Variants in DYM observed in about 807,000 individuals in gnomAD.
DYM encodes the protein dyggve-Melchior-Clausen syndrome protein.
Under a neutral mutation model 93.1 loss-of-function variants are expected in DYM, and 78 were observed. That is an observed-to-expected ratio of 0.84 (90% CI 0.70 to 1.01). The LOEUF is 1.01. Ranked by LOEUF, DYM falls within the 50% of genes least tolerant of loss-of-function variation. The pLI, the probability that DYM is intolerant of heterozygous loss-of-function variation, is 0.00. For missense variants in DYM, 789 were observed against 845.0 expected (o/e 0.93, Z 0.82); for synonymous variants, 321 against 319.7 (o/e 1.00, Z -0.04).
At chr18:49,404,932 G>A (rs543071788) in intron 2 of DYM, among the ~76,000 whole-genome samples, 11 of 149,770 alleles carry the variant, frequency 7.3e-5, no homozygotes, top group African/African-American at 2.5e-4. Context: ...AGAACTGCTT[G>A]AACCTGGGAG....
At chr18:49,259,430 G>A (rs543842861) in intron 11 of DYM, among the ~76,000 whole-genome samples, 28 of 152,232 alleles carry the variant, frequency 1.8e-4, no homozygotes, top group African/African-American at 2.9e-4. Flanking sequence ...AGACAAATTC[G>A]GGGAATCCTA....
chr18:49,214,560 T>TAAAA (rs528419205), intron 13 of DYM, among the ~76,000 whole-genome samples: 15 of 121,548 alleles, frequency 1.2e-4, no homozygotes, highest in Admixed American at 1.2e-3. Flanking sequence ...AATCAATGAG[T>TAAAA]AAAAAAAAAA....
chr18:49,404,091 T>C (rs1416157862), intron 2 of DYM, among the ~76,000 whole-genome samples: 12 of 151,576 alleles, frequency 7.9e-5, no homozygotes, highest in Admixed American at 7.9e-4. Flanking sequence ...CACTGCAACC[T>C]CCGCCTCCCG....
At chr18:49,393,053 G>GGA in intron 2 of DYM, among the ~76,000 whole-genome samples, 1 of 133,372 alleles carries the variant, frequency 7.5e-6, no homozygotes, top group Non-Finnish European at 1.6e-5. Flanking sequence ...AGGAGGAGGG[G>GGA]AGGAGGGGAG....
intron 6 of DYM, among the ~76,000 whole-genome samples, chr18:49,356,640 C>G (rs910745551): frequency 5.3e-5 from 8 of 152,126 alleles, no homozygotes; most frequent in Non-Finnish European, 8.8e-5. Flanking sequence ...ATGGGTCTCT[C>G]CTGTACCTTC....
chr18:49,086,026 A>G (rs1030049146), intron 17 of DYM, among the ~76,000 whole-genome samples: 1 of 152,252 alleles, frequency 6.6e-6, no homozygotes, highest in African/African-American at 2.4e-5. Context: ...AGGTAAAATC[A>G]CACAGCTTAA....
At chr18:49,256,889 A>C (rs1298975936) in intron 13 of DYM, 121 bp downstream of exon 13, 2 of 835,866 alleles carry the variant, frequency 2.4e-6, no homozygotes, top group Admixed American at 4.3e-5. Flanking sequence ...GAAGGTGATA[A>C]AAATTAAGTA....
At position 49,403,590 on chromosome 18, in the gene DYM, A is replaced by T. The variant is rs183103042; in HGVS notation, c.141-11945T>A. 4.3e-3 allele frequency among the ~76,000 whole-genome samples: 656 copies of T among 152,218 alleles called. 4 individuals carry two copies. The highest frequency in any genetic ancestry group is 0.012 in the African/African-American group (502 of 41,556). On this transcript the variant is annotated intron_variant, in intron 2 of 17. Transcript: ENST00000675505. Reference sequence around the variant, plus strand: ...TAAGTCTAGGTTTTTTATTTTTTTTAAATTTCAACTTTTATTTTGAATTCA... The same window carrying T: ...TAAGTCTAGGTTTTTTATTTTTTTTTAATTTCAACTTTTATTTTGAATTCA...
intron 14 of DYM, among the ~76,000 whole-genome samples, chr18:49,199,726 A>G (rs1414745532): frequency 6.6e-6 from 1 of 152,232 alleles, no homozygotes; most frequent in Non-Finnish European, 1.5e-5. Flanking sequence ...TGAATAGCAT[A>G]TTATATGACA....
chr18:49,328,395 G>A (rs1047820680), intron 8 of DYM, among the ~76,000 whole-genome samples: 5 of 152,096 alleles, frequency 3.3e-5, no homozygotes, highest in African/African-American at 9.7e-5. Flanking sequence ...GAGCCAGAGA[G>A]AGAAGTAAGG....
At chr18:49,176,907 T>C (rs1333041219) in intron 14 of DYM, among the ~76,000 whole-genome samples, 1 of 152,156 alleles carries the variant, frequency 6.6e-6, no homozygotes, top group Non-Finnish European at 1.5e-5. Flanking sequence ...TAGTATGCAA[T>C]TCTAAAGATA....
At chr18:49,172,784 G>A (rs1030323056) in intron 14 of DYM, among the ~76,000 whole-genome samples, 1 of 152,026 alleles carries the variant, frequency 6.6e-6, no homozygotes, top group Non-Finnish European at 1.5e-5. Context: ...TAAATTTGAT[G>A]AAATTCATCA....
intron 14 of DYM, among the ~76,000 whole-genome samples, chr18:49,192,095 A>AAT (rs1481704998): frequency 1.0e-4 from 7 of 68,336 alleles, no homozygotes; most frequent in African/African-American, 4.0e-4. Flanking sequence ...TGCCTGGCTA[A>AAT]TTTTTTTTTT....
intron 6 of DYM, among the ~76,000 whole-genome samples, chr18:49,347,761 A>G (rs963175556): frequency 1.4e-4 from 22 of 152,252 alleles, no homozygotes; most frequent in South Asian, 4.1e-4. Context: ...ATCAGGAAAA[A>G]GAGCCAGAGA....
chr18:49,316,079 C>G (rs575408), intron 8 of DYM, among the ~76,000 whole-genome samples: 89,877 of 151,982 alleles, frequency 0.59, 27,229 homozygotes, highest in Non-Finnish European at 0.67. Context: ...GTCAGGAGTT[C>G]AAGACCAGCC....
chr18:49,340,036 CGCCTCCT>C (rs1023126005), intron 6 of DYM, among the ~76,000 whole-genome samples: 136 of 152,206 alleles, frequency 8.9e-4, no homozygotes, highest in African/African-American at 3.1e-3. Flanking sequence ...CTGCAAGCTC[CGCCTCCT>C]GGATTCACGC....
intron 1 of DYM, among the ~76,000 whole-genome samples, chr18:49,443,418 C>T (rs1447606592): frequency 2.0e-5 from 3 of 152,248 alleles, no homozygotes; most frequent in Non-Finnish European, 1.5e-5. Context: ...TTTCAAGTGT[C>T]ATGAGTATTG....
At chr18:49,291,768 T>C (rs2060129623) in intron 8 of DYM, among the ~76,000 whole-genome samples, 1 of 152,172 alleles carries the variant, frequency 6.6e-6, no homozygotes, top group African/African-American at 2.4e-5. Context: ...CAAATTTAAG[T>C]TTATTCAAAA....
intron 15 of DYM, among the ~76,000 whole-genome samples, chr18:49,144,838 T>C (rs1411956876): frequency 1.3e-5 from 2 of 151,878 alleles, no homozygotes; most frequent in Non-Finnish European, 2.9e-5. Context: ...GGCTCATTCC[T>C]GTAATCTCAG....
Sources: gnomAD v4.1 joint callset for allele counts (sites outside exome capture counted in the v4.1 genomes callset) on GRCh38, gnomAD v4.1.1 for gene constraint, MANE v1.5 for transcripts, NCBI Gene and HGNC (gene_info 2026-07-23, HGNC 2026-07-21) for gene names.